DCLK2: variants seen among roughly 807,000 people sequenced by gnomAD.
The protein encoded by DCLK2 is serine/threonine-protein kinase DCLK2.
DCLK2 carries 31 observed loss-of-function variants against 78.4 expected under a neutral mutation model. That is an observed-to-expected ratio of 0.40 (90% CI 0.30 to 0.53). DCLK2 has a LOEUF of 0.53. DCLK2 is among the 20% of genes least tolerant of loss of function. The pLI is 0.61. For synonymous variants in DCLK2, 407 were observed against 374.9 expected, an observed-to-expected ratio of 1.09 and a Z score of -0.99; for missense variants, 872 against 973.7, an observed-to-expected ratio of 0.90 and a Z score of 1.39.
At chr4:150,097,623 A>G (rs932679256) in intron 1 of DCLK2, among the ~76,000 whole-genome samples, 1 of 152,352 alleles carries the variant, frequency 6.6e-6, no homozygotes, top group Middle Eastern at 3.4e-3. Context: ...CAGTAATGCA[A>G]AGTGTCTTTG....
chr4:150,134,115 C>G (rs1174216701), intron 2 of DCLK2, among the ~76,000 whole-genome samples: 1 of 113,076 alleles, frequency 8.8e-6, no homozygotes. Flanking sequence ...GAGTCTTGCT[C>G]TGTTGCCCAG....
At chr4:150,199,574 C>A (rs868055267) in intron 4 of DCLK2, among the ~76,000 whole-genome samples, 4 of 152,236 alleles carry the variant, frequency 2.6e-5, no homozygotes, top group Admixed American at 6.5e-5. Flanking sequence ...GGAAGCAACA[C>A]TGCAATATTT....
intron 2 of DCLK2, among the ~76,000 whole-genome samples, chr4:150,160,212 T>A (rs1735606028): frequency 6.6e-6 from 1 of 152,028 alleles, no homozygotes; most frequent in South Asian, 2.1e-4. Flanking sequence ...GAGTCAAGAT[T>A]TCACCACGTT....
chr4:150,112,359 A>G (rs1731753805), intron 2 of DCLK2, among the ~76,000 whole-genome samples: 1 of 152,212 alleles, frequency 6.6e-6, no homozygotes, highest in African/African-American at 2.4e-5. Flanking sequence ...AGAAATCTTT[A>G]CAGTTTTCTA....
intron 2 of DCLK2, among the ~76,000 whole-genome samples, chr4:150,186,186 C>T (rs1385733588): frequency 1.3e-5 from 2 of 152,104 alleles, no homozygotes; most frequent in African/African-American, 2.4e-5. Context: ...CACTTTTCCT[C>T]ACCCTTGTTA....
chr4:150,120,946 C>T lies in DCLK2; in HGVS notation c.756+18134C>T, dbSNP rs534250144. ...ATTAGCCAGGCGTGGTGGCAGGCAC[C>T]TGTAATCCCAGCTACTTGGGAGGCT... On this transcript the variant is annotated intron_variant, in intron 2 of 15. Transcript: ENST00000296550. Among the ~76,000 whole-genome samples, 11 of 152,238 alleles carry T rather than the reference C, an allele frequency of 7.2e-5. No individual in the cohort carries two copies. In the South Asian group the frequency reaches 2.1e-3, roughly 29 times the overall value.
intron 2 of DCLK2, among the ~76,000 whole-genome samples, chr4:150,140,411 A>T: frequency 6.6e-6 from 1 of 152,202 alleles, no homozygotes; most frequent in East Asian, 1.9e-4. Context: ...TCTAGGACCT[A>T]GGGGAGCAGT....
At chr4:150,167,246 C>T (rs1202720020) in intron 2 of DCLK2, among the ~76,000 whole-genome samples, 1 of 152,178 alleles carries the variant, frequency 6.6e-6, no homozygotes, top group African/African-American at 2.4e-5. Flanking sequence ...AGAAGCAGCT[C>T]TTTGGGCTGT....
chr4:150,199,204 G>C, intron 4 of DCLK2: 1 of 839,964 alleles, frequency 1.2e-6, no homozygotes, highest in Non-Finnish European at 1.9e-6. Context: ...ACATCTGTGT[G>C]GTATGAAATG....
intron 8 of DCLK2, 151 bp downstream of exon 8, chr4:150,224,709 A>C (rs941948858): frequency 2.2e-5 from 12 of 537,912 alleles, no homozygotes; most frequent in Non-Finnish European, 3.4e-5. Context: ...AAGCGGTTTT[A>C]TTCCTGCTAT....
chr4:150,099,145 A>G (rs1730688618), intron 1 of DCLK2, among the ~76,000 whole-genome samples: 1 of 152,228 alleles, frequency 6.6e-6, no homozygotes, highest in East Asian at 1.9e-4. Flanking sequence ...GAATCCCTAC[A>G]GTACCAAGAA....
At chr4:150,162,205 C>T (rs9993737) in intron 2 of DCLK2, among the ~76,000 whole-genome samples, 43,782 of 151,718 alleles carry the variant, frequency 0.29, 6,653 homozygotes, top group South Asian at 0.49. Flanking sequence ...TAATTTTTTG[C>T]ATTTTTTGTA....
chr4:150,240,585 A>T, intron 12 of DCLK2, 109 bp downstream of exon 12: 2 of 391,086 alleles, frequency 5.1e-6, no homozygotes, highest in Non-Finnish European at 8.6e-6. Context: ...TAAAAATGCC[A>T]GTTAAAAATT....
At chr4:150,204,756 G>A (rs1739718551) in intron 5 of DCLK2, among the ~76,000 whole-genome samples, 1 of 152,066 alleles carries the variant, frequency 6.6e-6, no homozygotes, top group African/African-American at 2.4e-5. Flanking sequence ...GCCGGGCCTG[G>A]TGGTACAAAC....
At chr4:150,221,361 C>CT (rs1416631260) in intron 6 of DCLK2, among the ~76,000 whole-genome samples, 1 of 151,302 alleles carries the variant, frequency 6.6e-6, no homozygotes, top group Admixed American at 6.6e-5. Context: ...TCCCCTGCCC[C>CT]TTTCTTGAAC....
At chr4:150,091,207 A>T (rs1730037585) in intron 1 of DCLK2, among the ~76,000 whole-genome samples, 1 of 152,208 alleles carries the variant, frequency 6.6e-6, no homozygotes, top group Non-Finnish European at 1.5e-5. Context: ...ACCCGGTCTC[A>T]CACAAACGCT....
At chr4:150,140,931 A>G (rs2150213012) in intron 2 of DCLK2, among the ~76,000 whole-genome samples, 1 of 152,340 alleles carries the variant, frequency 6.6e-6, no homozygotes, top group East Asian at 1.9e-4. Flanking sequence ...GTGTTTTCCT[A>G]CAAAACAGTC....
intron 4 of DCLK2, 113 bp downstream of exon 4, chr4:150,198,216 C>T: frequency 1.2e-6 from 1 of 848,406 alleles, no homozygotes; most frequent in Non-Finnish European, 1.7e-6. Flanking sequence ...CAGCCAAGTT[C>T]CAGAAAAACA....
At chr4:150,094,269 C>A (rs1237175839) in intron 1 of DCLK2, among the ~76,000 whole-genome samples, 1 of 152,102 alleles carries the variant, frequency 6.6e-6, no homozygotes, top group Non-Finnish European at 1.5e-5. Context: ...AAAAGGCAAC[C>A]TACAGAATGA....
Sources: gnomAD v4.1 joint callset for allele counts (sites outside exome capture counted in the v4.1 genomes callset) on GRCh38, gnomAD v4.1.1 for gene constraint, MANE v1.5 for transcripts, NCBI Gene and HGNC (gene_info 2026-07-23, HGNC 2026-07-21) for gene names.